Variants in NME7 observed in about 807,000 individuals in gnomAD.
NME7 encodes NME/NM23 family member 7, also known as nucleoside diphosphate kinase 7.
NME7 carries 41 observed loss-of-function variants against 49.1 expected under a neutral mutation model. That is an observed-to-expected ratio of 0.83 (90% CI 0.65 to 1.08). The LOEUF is 1.08. NME7 is among the 50% of genes least tolerant of loss of function. NME7 has a pLI of 0.00. For missense variants in NME7, 423 were observed against 463.4 expected (o/e 0.91, Z 0.80); for synonymous variants, 139 against 150.6 (o/e 0.92, Z 0.56).
intron 10 of NME7, among the ~76,000 whole-genome samples, chr1:169,208,412 C>T (rs1439882367): frequency 1.3e-5 from 2 of 152,064 alleles, no homozygotes; most frequent in African/African-American, 4.8e-5. Flanking sequence ...GACAAAAATA[C>T]TTCAGGCCAA....
At position 169,265,121 on chromosome 1, in the gene NME7, C is replaced by G. The variant is rs1250473226; in HGVS notation, c.754+22182G>C. On this transcript the variant is annotated intron_variant, in intron 7 of 11. Transcript: ENST00000367811. ...AGATTCAAATATCTCCTACCAGGTC[C>G]CTCCCATGACATGTCAGAATTATAG... 1.5e-5 allele frequency among the ~76,000 whole-genome samples: 2 copies of G among 132,660 alleles called. 1 individual carries two copies. The highest frequency in any genetic ancestry group is 3.5e-5 in the Non-Finnish European group (2 of 56,492). The allele number at this position is 132,660 out of a possible 152,430, so 87.0% of individuals were successfully genotyped here. A position where few individuals can be genotyped will look rare whatever the true frequency, so the allele number is the denominator to read the frequency against.
chr1:169,233,114 T>C (rs1647711829), intron 9 of NME7, among the ~76,000 whole-genome samples: 1 of 93,908 alleles, frequency 1.1e-5, no homozygotes, highest in Non-Finnish European at 2.3e-5. Flanking sequence ...CTTTCAAACA[T>C]AATTGTTCAA....
At chr1:169,215,466 G>T (rs920536783) in intron 10 of NME7, among the ~76,000 whole-genome samples, 1 of 152,164 alleles carries the variant, frequency 6.6e-6, no homozygotes, top group Non-Finnish European at 1.5e-5. Context: ...TGAAGGTGAG[G>T]CTTCACCAGG....
chr1:169,366,017 G>A (rs1433696273), intron 1 of NME7, among the ~76,000 whole-genome samples: 2 of 152,198 alleles, frequency 1.3e-5, no homozygotes, highest in Non-Finnish European at 2.9e-5. Flanking sequence ...GATGTGTCCG[G>A]GAAGCAACTG....
chr1:169,213,377 A>C (rs947555224), intron 10 of NME7, among the ~76,000 whole-genome samples: 8 of 152,158 alleles, frequency 5.3e-5, no homozygotes, highest in Non-Finnish European at 1.0e-4. Context: ...AGTAAAAAAA[A>C]AAATCTCACC....
chr1:169,362,587 A>C (rs1291825919), intron 1 of NME7, among the ~76,000 whole-genome samples: 1 of 152,196 alleles, frequency 6.6e-6, no homozygotes, highest in Admixed American at 6.5e-5. Flanking sequence ...TGAAGACAGA[A>C]GCTGATTAGA....
chr1:169,295,524 T>G (rs1211008672), intron 6 of NME7, among the ~76,000 whole-genome samples: 2 of 152,178 alleles, frequency 1.3e-5, no homozygotes, highest in Non-Finnish European at 1.5e-5. Flanking sequence ...AATACCACAT[T>G]TACAATAAAT....
intron 5 of NME7, 174 bp downstream of exon 5, chr1:169,302,971 T>G: frequency 2.5e-6 from 1 of 405,624 alleles, no homozygotes; most frequent in East Asian, 4.1e-5. Context: ...ATATAGGAAT[T>G]CTTACTTAAT....
chr1:169,248,841 C>A (rs138376626), intron 7 of NME7, among the ~76,000 whole-genome samples: 1 of 151,964 alleles, frequency 6.6e-6, no homozygotes, highest in Admixed American at 6.6e-5. Context: ...GCTCTATGTG[C>A]CTACTTTTAT....
At chr1:169,361,370 A>G (rs950399664) in intron 1 of NME7, among the ~76,000 whole-genome samples, 5 of 152,226 alleles carry the variant, frequency 3.3e-5, no homozygotes, top group African/African-American at 9.6e-5. Flanking sequence ...TCATATCTGC[A>G]ATTTATGCCC....
chr1:169,336,162 C>T (rs930583545), intron 1 of NME7, among the ~76,000 whole-genome samples: 8 of 151,448 alleles, frequency 5.3e-5, no homozygotes, highest in East Asian at 1.9e-4. Flanking sequence ...ACAGCGCGTC[C>T]GGAGTTGTTC....
At chr1:169,289,985 A>G (rs1650436506) in intron 6 of NME7, among the ~76,000 whole-genome samples, 3 of 152,020 alleles carry the variant, frequency 2.0e-5, no homozygotes, top group Admixed American at 1.3e-4. Context: ...GGCCTTTTAC[A>G]TTTTCCTAAA....
At chr1:169,318,435 G>C (rs1244929476) in intron 3 of NME7, among the ~76,000 whole-genome samples, 2 of 152,060 alleles carry the variant, frequency 1.3e-5, no homozygotes, top group Non-Finnish European at 2.9e-5. Context: ...CTATGAAGGA[G>C]ACAAGTAAAT....
chr1:169,251,445 C>T (rs1183472888), intron 7 of NME7, among the ~76,000 whole-genome samples: 1 of 151,102 alleles, frequency 6.6e-6, no homozygotes, highest in Non-Finnish European at 1.5e-5. Flanking sequence ...CAATCTGTAT[C>T]ATTTAAGTGG....
intron 7 of NME7, among the ~76,000 whole-genome samples, chr1:169,283,614 T>C (rs779263522): frequency 7.2e-5 from 11 of 152,232 alleles, no homozygotes; most frequent in Non-Finnish European, 1.6e-4. Flanking sequence ...TAGTGCTTCT[T>C]TCAAGAGCTC....
chr1:169,241,864 C>A (rs983461765), intron 7 of NME7, among the ~76,000 whole-genome samples: 1 of 151,108 alleles, frequency 6.6e-6, no homozygotes, highest in Non-Finnish European at 1.5e-5. Context: ...ATATTGAAAT[C>A]ATATGAAGAC....
intron 7 of NME7, among the ~76,000 whole-genome samples, chr1:169,239,059 T>C (rs1454294282): frequency 6.6e-6 from 1 of 151,984 alleles, no homozygotes; most frequent in East Asian, 1.9e-4. Context: ...ATAGTTTTCC[T>C]TCAAAAAGAA....
intron 5 of NME7, among the ~76,000 whole-genome samples, chr1:169,302,823 A>G (rs1200009469): frequency 5.3e-5 from 8 of 152,200 alleles, no homozygotes; most frequent in Non-Finnish European, 1.0e-4. Flanking sequence ...ACACAAAAGC[A>G]TAATAAAAAT....
intron 3 of NME7, among the ~76,000 whole-genome samples, chr1:169,315,031 C>CTTAAAATTA: frequency 6.6e-6 from 1 of 151,996 alleles, no homozygotes; most frequent in African/African-American, 2.4e-5. Context: ...GTAACATACC[C>CTTAAAATTA]TTAAAATTAT....
Sources: gnomAD v4.1 joint callset for allele counts (sites outside exome capture counted in the v4.1 genomes callset) on GRCh38, gnomAD v4.1.1 for gene constraint, MANE v1.5 for transcripts, NCBI Gene and HGNC (gene_info 2026-07-23, HGNC 2026-07-21) for gene names.